Variants in DNMT1 observed in about 807,000 individuals in gnomAD.
DNMT1 encodes DNA methyltransferase 1.
Under a neutral mutation model 205.3 loss-of-function variants are expected in DNMT1, and 24 were observed. The ratio of observed to expected loss-of-function variants is 0.12; its 90% confidence interval spans 0.08 to 0.16. DNMT1 has a LOEUF of 0.16. DNMT1 is among the 10% of genes least tolerant of loss of function. DNMT1 has a pLI of 1.00. For synonymous variants in DNMT1, 817 were observed against 839.8 expected, an observed-to-expected ratio of 0.97 and a Z score of 0.47; for missense variants, 1,293 against 2,177.7, an observed-to-expected ratio of 0.59 and a Z score of 8.09.
intron 24 of DNMT1, among the ~76,000 whole-genome samples, chr19:10,150,360 T>C (rs986704660): frequency 5.3e-5 from 8 of 152,114 alleles, no homozygotes; most frequent in Admixed American, 3.9e-4. Context: ...TCCTTCCTTT[T>C]CTCCAACAAA....
intron 13 of DNMT1, among the ~76,000 whole-genome samples, chr19:10,162,110 G>A (rs1032225265): frequency 2.6e-5 from 4 of 151,414 alleles, no homozygotes; most frequent in Non-Finnish European, 4.4e-5. Flanking sequence ...CCAAAGTGCT[G>A]AAAAGACAGG....
chr19:10,134,473 G>T (rs2089437425), intron 39 of DNMT1, among the ~76,000 whole-genome samples, 166 bp from the exon 40 acceptor site: 1 of 152,340 alleles, frequency 6.6e-6, no homozygotes, highest in South Asian at 2.1e-4. Flanking sequence ...TCCAGCACAA[G>T]ATCCTTGGAC....
At chr19:10,150,012 C>G in intron 24 of DNMT1, 44 bp from the exon 25 acceptor site, 1 of 1,555,440 alleles carries the variant, frequency 6.4e-7, no homozygotes, top group African/African-American at 1.4e-5. Flanking sequence ...TTCTGAGGGT[C>G]TTTGCTGGCC....
chr19:10,173,857 G>C lies in DNMT1; in HGVS notation c.683+14C>G. 1 of 1,613,536 alleles carries C rather than the reference G, an allele frequency of 6.2e-7. No homozygotes were observed. Among genetic ancestry groups the C allele is most frequent in the Non-Finnish European group, 8.5e-7 (1 of 1,179,520 alleles). On this transcript the variant is annotated intron_variant, in intron 8 of 40. Coordinates refer to ENST00000359526, the MANE Select transcript of DNMT1 (RefSeq NM_001130823.3). ...CTCGTAGAACAAAAAGAAAGGTATA[G>C]TAACTATTCTTACCGTTCTCTGGAT...
chr19:10,135,323 G>A lies in DNMT1; in HGVS notation c.4773+413C>T, dbSNP rs116208208. The A allele has an allele frequency of 4.3e-3, 1,043 of 240,512 alleles. 8 individuals carry two copies. Among genetic ancestry groups the A allele is most frequent in the African/African-American group, 0.022 (972 of 44,522 alleles). The allele number at this position is 240,512 out of a possible 1,614,324, so 14.9% of individuals were successfully genotyped here. The stretch of plus-strand genomic sequence containing the variant: ...GTGGACACTGGTTTTTAAGCAATGC[G>A]CGTGCCCTATGATGAAAATACACTT... On this transcript the variant is annotated intron_variant, in intron 39 of 40. Coordinates refer to ENST00000359526, the MANE Select transcript of DNMT1 (RefSeq NM_001130823.3).
At chr19:10,189,403 G>A (rs977484654) in intron 1 of DNMT1, among the ~76,000 whole-genome samples, 25 of 151,034 alleles carry the variant, frequency 1.7e-4, no homozygotes, top group African/African-American at 5.9e-4. Context: ...TTACAGGCGT[G>A]AGCCACCACG....
intron 5 of DNMT1, among the ~76,000 whole-genome samples, chr19:10,178,310 A>T (rs1311275494): frequency 6.6e-6 from 1 of 152,012 alleles, no homozygotes; most frequent in East Asian, 1.9e-4. Context: ...TAATCTCAGC[A>T]CTTTGGGAGG....
At chr19:10,152,359 C>T (rs2038365584) in intron 22 of DNMT1, among the ~76,000 whole-genome samples, 1 of 148,678 alleles carries the variant, frequency 6.7e-6, no homozygotes, top group Non-Finnish European at 1.5e-5. Context: ...CATGGTGGCT[C>T]ATACCTGAAC....
At chr19:10,165,715 G>A (rs2038676756) in intron 11 of DNMT1, among the ~76,000 whole-genome samples, 1 of 152,134 alleles carries the variant, frequency 6.6e-6, no homozygotes, top group Admixed American at 6.6e-5. Flanking sequence ...TCTACCATGA[G>A]GCAAAAGTGC....
chr19:10,145,604 T>C (rs961457152), intron 28 of DNMT1, among the ~76,000 whole-genome samples: 8 of 152,372 alleles, frequency 5.3e-5, no homozygotes, highest in Admixed American at 3.3e-4. Context: ...AGTCATCTGA[T>C]GTGATTCCCT....
chr19:10,141,230 A>G, intron 30 of DNMT1, 41 bp from the exon 31 acceptor site: 2 of 1,594,542 alleles, frequency 1.3e-6, no homozygotes, highest in South Asian at 1.1e-5. Flanking sequence ...AGAGAAACGC[A>G]CTGTCCCCTC....
chr19:10,191,210 A>G (rs1284924839), intron 1 of DNMT1, among the ~76,000 whole-genome samples: 1 of 150,986 alleles, frequency 6.6e-6, no homozygotes, highest in Non-Finnish European at 1.5e-5. Flanking sequence ...AAACCCGGGA[A>G]GCGGAGGCTG....
intron 1 of DNMT1, among the ~76,000 whole-genome samples, chr19:10,183,070 CAT>C (rs1000446318): frequency 5.0e-5 from 6 of 119,424 alleles, no homozygotes; most frequent in East Asian, 3.9e-4. Flanking sequence ...TATATGTATA[CAT>C]ATGTGTGTGT....
chr19:10,143,500 G>A (rs1180208328), intron 29 of DNMT1, among the ~76,000 whole-genome samples: 1 of 150,738 alleles, frequency 6.6e-6, no homozygotes, highest in Non-Finnish European at 1.5e-5. Flanking sequence ...GCTAGGATTA[G>A]AGGCGTGAGC....
intron 39 of DNMT1, chr19:10,135,521 A>G: frequency 5.0e-6 from 3 of 596,308 alleles, no homozygotes; most frequent in South Asian, 1.9e-5. Context: ...CTCTGCCTCA[A>G]AAACAAACAG....
At chr19:10,147,441 T>C (rs551263890) in intron 27 of DNMT1, among the ~76,000 whole-genome samples, 20 of 151,788 alleles carry the variant, frequency 1.3e-4, no homozygotes, top group African/African-American at 4.8e-4. Flanking sequence ...TGAAGCCCTG[T>C]CTCTACTAAA....
At position 10,137,575 on chromosome 19, in the gene DNMT1, A is replaced by G; in HGVS notation, c.4293+257T>C. 1.6e-6 allele frequency: 1 copy of G among 644,756 alleles called. No individual in the cohort carries two copies. The highest frequency in any genetic ancestry group is 2.7e-6 in the Non-Finnish European group (1 of 372,936). The allele number at this position is 644,756 out of a possible 1,614,324, so 39.9% of individuals were successfully genotyped here. ...TGGCATCCTGGGAAAACATGCGGGGAGAGGCAGCAAGGGGGAAGGCAGTGG... is the reference window on the plus strand; with the variant it reads ...TGGCATCCTGGGAAAACATGCGGGGGGAGGCAGCAAGGGGGAAGGCAGTGG... On this transcript the variant is annotated intron_variant, in intron 36 of 40. Transcript: ENST00000359526. The surrounding 1 kb of genome is among the most constrained non-coding windows in gnomAD (Gnocchi z 6.4).
rs1447386579 is a variant in DNMT1 at position 10,136,753 on chromosome 19, TA to T, written c.4489+331del. Among the ~76,000 whole-genome samples the T allele has an allele frequency of 8.7e-4, 129 of 148,144 alleles. 1 individual carries two copies. Among genetic ancestry groups the T allele is most frequent in the African/African-American group, 3.2e-3 (126 of 39,898 alleles). On this transcript the variant is annotated intron_variant, in intron 37 of 40. Coordinates refer to ENST00000359526, the MANE Select transcript of DNMT1 (RefSeq NM_001130823.3). Reference sequence around the variant, plus strand: ...GCCTGACCTGCTTTTATTATTTATTTATTGTTTTTTTTTTTTCTTTTTAGAG... The same window carrying T: ...GCCTGACCTGCTTTTATTATTTATTTTTGTTTTTTTTTTTTCTTTTTAGAG...
intron 1 of DNMT1, among the ~76,000 whole-genome samples, chr19:10,193,665 C>CA (rs35583463): frequency 0.32 from 33,988 of 105,830 alleles, 4,817 homozygotes; most frequent in Non-Finnish European, 0.38. Context: ...ACCCAGCCTT[C>CA]AAAAAAAAAA....
Sources: allele counts gnomAD v4.1 joint callset (sites outside exome capture counted in the v4.1 genomes callset), GRCh38; gene constraint gnomAD v4.1.1; non-coding constraint Gnocchi (gnomAD v3.1); transcripts MANE v1.5; gene names NCBI Gene and HGNC (gene_info 2026-07-23, HGNC 2026-07-21).